C2CD5: variants seen among roughly 807,000 people sequenced by gnomAD.
The protein encoded by C2CD5 is C2 domain-containing protein 5.
In C2CD5, 109 loss-of-function variants were observed where a neutral mutation model predicts 130.3. The ratio of observed to expected loss-of-function variants is 0.84; its 90% confidence interval spans 0.72 to 0.98. The LOEUF (loss-of-function observed/expected upper bound fraction) is 0.98. C2CD5 is among the 50% of genes least tolerant of loss of function. C2CD5 has a pLI of 0.00. For missense variants in C2CD5, 996 were observed against 1,261.8 expected, an observed-to-expected ratio of 0.79 and a Z score of 3.19; for synonymous variants, 454 against 429.2, an observed-to-expected ratio of 1.06 and a Z score of -0.71.
chr12:22,454,047 A>G lies in C2CD5; in HGVS notation c.2878-5T>C, dbSNP rs755581511. ...AAAACCACTGACTCCTCCTTCCTAA[A>G]TAATAGTGCACAGGAAAATCATACT... On this transcript the variant is annotated splice_region_variant and splice_polypyrimidine_tract_variant and intron_variant, in intron 25 of 26. Transcript: ENST00000446597. 1.2e-6 allele frequency: 2 copies of G among 1,611,706 alleles called. No homozygotes were observed. Among genetic ancestry groups the G allele is most frequent in the African/African-American group, 1.3e-5 (1 of 74,982 alleles).
intron 2 of C2CD5, among the ~76,000 whole-genome samples, chr12:22,539,144 C>G (rs965769840): frequency 5.3e-5 from 8 of 152,162 alleles, no homozygotes; most frequent in Admixed American, 1.3e-4. Flanking sequence ...TTCCTCACTT[C>G]CCATGTACTT....
intron 15 of C2CD5, 51 bp downstream of exon 15, chr12:22,478,262 T>A: frequency 6.9e-7 from 1 of 1,453,224 alleles, no homozygotes; most frequent in Non-Finnish European, 9.6e-7. Context: ...CCTAAAAATA[T>A]ACTAATAAAC....
chr12:22,541,756 T>C (rs1364256795), intron 2 of C2CD5, among the ~76,000 whole-genome samples: 1 of 152,214 alleles, frequency 6.6e-6, no homozygotes, highest in Non-Finnish European at 1.5e-5. Context: ...TCTCTTTCTA[T>C]TGTTCCCTTT....
chr12:22,513,289 C>G lies in C2CD5; in HGVS notation c.1038+5G>C. 1 of 1,590,574 alleles carries G rather than the reference C, an allele frequency of 6.3e-7. No homozygotes were observed. The highest frequency in any genetic ancestry group is 8.6e-7 in the Non-Finnish European group (1 of 1,158,958). On this transcript the variant is annotated splice_donor_5th_base_variant and intron_variant, in intron 9 of 26. Transcript: ENST00000446597. ...TAAGAACAAAGAATATCAAGTGAAT[C>G]TTACCCTCTGTTCCAACGCTGATTG... is the stretch of plus-strand genomic sequence containing the variant.
chr12:22,492,773 C>T (rs1333188259), intron 11 of C2CD5, among the ~76,000 whole-genome samples: 2 of 152,064 alleles, frequency 1.3e-5, no homozygotes, highest in South Asian at 4.1e-4. Flanking sequence ...TAGCAAGAAA[C>T]GTTACATTAC....
At chr12:22,528,617 G>A (rs1950938324) in intron 3 of C2CD5, among the ~76,000 whole-genome samples, 1 of 152,048 alleles carries the variant, frequency 6.6e-6, no homozygotes. Context: ...TATTAAGATT[G>A]GGACAGAATA....
chr12:22,539,572 T>C (rs1458027121), intron 2 of C2CD5, among the ~76,000 whole-genome samples: 1 of 152,050 alleles, frequency 6.6e-6, no homozygotes, highest in Non-Finnish European at 1.5e-5. Context: ...GGGAAAATAG[T>C]AATTGCATTA....
intron 21 of C2CD5, among the ~76,000 whole-genome samples, chr12:22,470,088 A>G (rs962030627): frequency 6.6e-6 from 1 of 152,128 alleles, no homozygotes; most frequent in Admixed American, 6.6e-5. Flanking sequence ...TTAATATCCT[A>G]TACTTTGTCC....
Position 22,482,326 on chromosome 12 carries a change from G to A in C2CD5, c.1737+231C>T, listed in dbSNP as rs74068600. Among the ~76,000 whole-genome samples, 13 of 152,242 alleles carry A rather than the reference G, an allele frequency of 8.5e-5. No individual in the cohort carries two copies. In the South Asian group the frequency reaches 2.3e-3, roughly 27 times the overall value. On this transcript the variant is annotated intron_variant, in intron 14 of 26. Coordinates refer to ENST00000446597, the MANE Select transcript of C2CD5 (RefSeq NM_001286176.2). ...ACTGTGGCCAACTTATTAAGCAAGC[G>A]ACAAATGATAATTTTTAGAAATAGA...
Position 22,469,804 on chromosome 12 carries a change from G to A in C2CD5, c.2447-9C>T, listed in dbSNP as rs189734026. The A allele has an allele frequency of 6.3e-3, 9,679 of 1,530,464 alleles. 49 individuals carry two copies. Among genetic ancestry groups the A allele is most frequent in the Non-Finnish European group, 7.3e-3 (8,238 of 1,124,050 alleles). The allele number at this position is 1,530,464 out of a possible 1,614,324, so 94.8% of individuals were successfully genotyped here. A position where few individuals can be genotyped will look rare whatever the true frequency, so the allele number is the denominator to read the frequency against. On this transcript the variant is annotated splice_polypyrimidine_tract_variant and intron_variant, in intron 21 of 26. Coordinates refer to ENST00000446597, the MANE Select transcript of C2CD5 (RefSeq NM_001286176.2). ...TTCATTATCTGTTGAGGCTAGAAAG[G>A]CAAGAAAATATCAGTTATTTAGTAA...
chr12:22,527,332 T>TATA (rs199674957), intron 4 of C2CD5, among the ~76,000 whole-genome samples: 1,466 of 107,424 alleles, frequency 0.014, 31 homozygotes, highest in African/African-American at 0.055. Context: ...ATATATATAT[T>TATA]TTTTTTTTTT....
At chr12:22,476,705 C>T (rs1943895311) in intron 15 of C2CD5, among the ~76,000 whole-genome samples, 1 of 151,910 alleles carries the variant, frequency 6.6e-6, no homozygotes, top group South Asian at 2.1e-4. Context: ...CATACAGGTA[C>T]AACAAGTACA....
chr12:22,489,217 G>C (rs1291215143), intron 12 of C2CD5, among the ~76,000 whole-genome samples: 2 of 151,682 alleles, frequency 1.3e-5, no homozygotes, highest in African/African-American at 4.8e-5. Flanking sequence ...ATTAATACTG[G>C]GGAGGGGGGA....
At chr12:22,466,869 C>CTGA (rs113793573) in intron 22 of C2CD5, among the ~76,000 whole-genome samples, 49 of 152,136 alleles carry the variant, frequency 3.2e-4, no homozygotes, top group Non-Finnish European at 6.3e-4. Flanking sequence ...ATGTGATGGT[C>CTGA]TGATGATGAT....
At chr12:22,531,035 G>T (rs967820751) in intron 3 of C2CD5, among the ~76,000 whole-genome samples, 7 of 152,004 alleles carry the variant, frequency 4.6e-5, no homozygotes, top group Non-Finnish European at 1.0e-4. Context: ...TAGTTGGGGG[G>T]GAAAGGCTAT....
chr12:22,514,464 T>C (rs1376090800), intron 8 of C2CD5, among the ~76,000 whole-genome samples: 1 of 151,800 alleles, frequency 6.6e-6, no homozygotes, highest in Non-Finnish European at 1.5e-5. Flanking sequence ...AGCCAGAAAA[T>C]AAAATGTAAA....
chr12:22,543,449 T>G (rs1411512230), intron 2 of C2CD5, among the ~76,000 whole-genome samples: 1 of 152,234 alleles, frequency 6.6e-6, no homozygotes, highest in African/African-American at 2.4e-5. Context: ...GTGTTGCAGT[T>G]GTGTTTTAGA....
At chr12:22,521,936 C>G (rs10505881) in intron 7 of C2CD5, among the ~76,000 whole-genome samples, 15,564 of 152,160 alleles carry the variant, frequency 0.1, 2,351 homozygotes, top group East Asian at 0.76. Flanking sequence ...GACTACTGAA[C>G]TGGGAAACAT....
intron 10 of C2CD5, among the ~76,000 whole-genome samples, chr12:22,499,543 T>C (rs1307823925): frequency 6.6e-6 from 1 of 152,170 alleles, no homozygotes; most frequent in Non-Finnish European, 1.5e-5. Context: ...TCAGTGTAGC[T>C]CTCCTATCAC....
Sources: gnomAD v4.1 joint callset for allele counts (sites outside exome capture counted in the v4.1 genomes callset) on GRCh38, gnomAD v4.1.1 for gene constraint, MANE v1.5 for transcripts, NCBI Gene and HGNC (gene_info 2026-07-23, HGNC 2026-07-21) for gene names.